The following ZNF521 variants were observed in gnomAD, a reference collection of about 807,000 sequenced individuals.
The protein encoded by ZNF521 is zinc finger protein 521.
ZNF521 carries 14 observed loss-of-function variants against 105.5 expected under a neutral mutation model. The ratio of observed to expected loss-of-function variants is 0.13; its 90% CI spans 0.09 to 0.21. The LOEUF is 0.21. Among genes scored for constraint, ZNF521 ranks in the 10% least tolerant of loss-of-function variants. The pLI, the probability that ZNF521 is intolerant of heterozygous loss-of-function variation, is 1.00. For synonymous variants in ZNF521, 635 were observed against 606.0 expected (o/e 1.05, Z -0.70); for missense variants, 1,233 against 1,629.7 (o/e 0.76, Z 4.19).
chr18:25,182,335 T>A (rs368260214), intron 5 of ZNF521, among the ~76,000 whole-genome samples: 13 of 152,328 alleles, frequency 8.5e-5, no homozygotes, highest in African/African-American at 3.1e-4. Flanking sequence ...TATTCCTTGA[T>A]GATAATTATC....
intron 4 of ZNF521, among the ~76,000 whole-genome samples, chr18:25,206,478 T>C (rs2036082266): frequency 1.3e-5 from 2 of 152,172 alleles, no homozygotes; most frequent in African/African-American, 2.4e-5. Flanking sequence ...ATATCTCTAA[T>C]GTATCCTTCC....
intron 4 of ZNF521, among the ~76,000 whole-genome samples, chr18:25,210,874 C>T (rs941360861): frequency 6.6e-6 from 1 of 152,194 alleles, no homozygotes; most frequent in East Asian, 1.9e-4. Flanking sequence ...GCTTGCCAGA[C>T]ATACACAGAG....
chr18:25,220,552 C>T (rs755161883), intron 4 of ZNF521, among the ~76,000 whole-genome samples: 4 of 152,152 alleles, frequency 2.6e-5, no homozygotes, highest in African/African-American at 7.2e-5. Context: ...TCTATTTACC[C>T]GCCCCTGTTT....
intron 3 of ZNF521, among the ~76,000 whole-genome samples, chr18:25,241,292 G>A (rs540457117): frequency 1.3e-5 from 2 of 152,220 alleles, no homozygotes; most frequent in Admixed American, 6.5e-5. Flanking sequence ...TTAAAGACAC[G>A]AAAACCTGCC....
chr18:25,178,618 C>G (rs1388989460), intron 5 of ZNF521, among the ~76,000 whole-genome samples: 1 of 152,134 alleles, frequency 6.6e-6, no homozygotes. Flanking sequence ...GCATACTTAG[C>G]TGTTTCAAAG....
intron 2 of ZNF521, among the ~76,000 whole-genome samples, chr18:25,335,967 C>A (rs1913855764): frequency 1.3e-5 from 2 of 152,080 alleles, no homozygotes; most frequent in Non-Finnish European, 2.9e-5. Flanking sequence ...TGAGATTGAA[C>A]AAGCAAGGGA....
intron 3 of ZNF521, among the ~76,000 whole-genome samples, chr18:25,310,265 C>T (rs1241392981): frequency 1.3e-5 from 2 of 152,152 alleles, no homozygotes; most frequent in East Asian, 3.9e-4. Flanking sequence ...AGTGTACATG[C>T]CTACTATACA....
Position 25,322,442 on chromosome 18 carries a change from C to T in ZNF521, c.41-255G>A, listed in dbSNP as rs79314070. The stretch of plus-strand genomic sequence containing the variant: ...TCTCTCTCCCATCAAATCACTCACC[C>T]ACTCTTAAGACTGACTTTACCATTT... On this transcript the variant is annotated intron_variant, in intron 2 of 7. Coordinates refer to ENST00000361524, the MANE Select transcript of ZNF521 (RefSeq NM_015461.3). 6.9e-3 allele frequency: 3,624 copies of T among 524,158 alleles called. 93 individuals carry two copies. Among genetic ancestry groups the T allele is most frequent in the African/African-American group, 0.055 (2,873 of 51,888 alleles). 32.5% of individuals were successfully genotyped at this position (524,158 alleles called of 1,614,324 possible). A position where few individuals can be genotyped will look rare whatever the true frequency, so the allele number is the denominator to read the frequency against.
intron 3 of ZNF521, among the ~76,000 whole-genome samples, chr18:25,274,066 A>C (rs6508358): frequency 0.47 from 71,371 of 151,914 alleles, 18,446 homozygotes; most frequent in African/African-American, 0.7. Flanking sequence ...TCTCCTTATC[A>C]GCTGTATTTC....
At chr18:25,185,505 T>C (rs1453462203) in intron 5 of ZNF521, among the ~76,000 whole-genome samples, 1 of 152,054 alleles carries the variant, frequency 6.6e-6, no homozygotes, top group South Asian at 2.1e-4. Flanking sequence ...ATAATAACAA[T>C]AAAAAGAATA....
intron 5 of ZNF521, among the ~76,000 whole-genome samples, chr18:25,156,043 T>G (rs923407704): frequency 6.6e-6 from 1 of 152,208 alleles, no homozygotes; most frequent in Non-Finnish European, 1.5e-5. Context: ...ACATAAGGAC[T>G]ATAGTTAGTG....
intron 5 of ZNF521, among the ~76,000 whole-genome samples, chr18:25,163,889 T>C (rs962870134): frequency 3.3e-5 from 5 of 152,116 alleles, no homozygotes; most frequent in Admixed American, 3.3e-4. Flanking sequence ...TGGTTTGGGT[T>C]TACAGAAAAG....
At position 25,227,087 on chromosome 18, in the gene ZNF521, GTCC is replaced by G; in HGVS notation, c.828_830del (p.Glu276del). On this transcript the variant is annotated inframe_deletion, in exon 4 of 8. Coordinates refer to ENST00000361524, the MANE Select transcript of ZNF521 (RefSeq NM_015461.3). This position sits in a 1 kb window ranked among gnomAD's most constrained non-coding sequence, Gnocchi z 5.7. The stretch of plus-strand genomic sequence containing the variant: ...AGTAGACACACTGGAGGGCCGCTCG[GTCC>G]TCATTTGGGGAGCATTCGGGGTGGC... The G allele has an allele frequency of 5.0e-6, 8 of 1,614,154 alleles. No individual in the cohort carries two copies. The highest frequency in any genetic ancestry group is 6.8e-6 in the Non-Finnish European group (8 of 1,180,012).
At chr18:25,116,928 T>C (rs1431659137) in intron 5 of ZNF521, among the ~76,000 whole-genome samples, 1 of 143,992 alleles carries the variant, frequency 6.9e-6, no homozygotes, top group African/African-American at 2.6e-5. Flanking sequence ...TCTATGTATA[T>C]ATATACGTAT....
chr18:25,269,335 T>C (rs140315588), intron 3 of ZNF521, among the ~76,000 whole-genome samples: 98 of 152,216 alleles, frequency 6.4e-4, no homozygotes, highest in African/African-American at 2.1e-3. Flanking sequence ...CACACAATAA[T>C]AGTGGGAGAC....
At chr18:25,294,294 G>A (rs1335459598) in intron 3 of ZNF521, among the ~76,000 whole-genome samples, 4 of 152,024 alleles carry the variant, frequency 2.6e-5, no homozygotes, top group African/African-American at 9.7e-5. Context: ...TGGTCAGTTT[G>A]CTTCTAGGTA....
At chr18:25,143,016 T>C (rs188169253) in intron 5 of ZNF521, among the ~76,000 whole-genome samples, 1 of 152,306 alleles carries the variant, frequency 6.6e-6, no homozygotes, top group Admixed American at 6.5e-5. Context: ...TATCAACAGA[T>C]ATGCAGATAT....
At chr18:25,283,349 C>T (rs1910500034) in intron 3 of ZNF521, among the ~76,000 whole-genome samples, 1 of 152,166 alleles carries the variant, frequency 6.6e-6, no homozygotes. Flanking sequence ...CTTGAATTTG[C>T]CAGCACTTAG....
intron 5 of ZNF521, among the ~76,000 whole-genome samples, chr18:25,159,486 C>T (rs2035210382): frequency 1.3e-5 from 2 of 150,994 alleles, no homozygotes; most frequent in African/African-American, 4.9e-5. Flanking sequence ...GTGTTGCTTT[C>T]TGCAGAGGAG....
Sources: allele counts gnomAD v4.1 joint callset (sites outside exome capture counted in the v4.1 genomes callset), GRCh38; gene constraint gnomAD v4.1.1; non-coding constraint Gnocchi (gnomAD v3.1); transcripts MANE v1.5; gene names NCBI Gene and HGNC (gene_info 2026-07-23, HGNC 2026-07-21).